EBF2: variants seen among roughly 807,000 people sequenced by gnomAD.
The protein encoded by EBF2 is EBF transcription factor 2.
A neutral mutation model predicts 72.8 loss-of-function variants in EBF2; 21 were observed. That is an observed-to-expected ratio of 0.29 (90% CI 0.20 to 0.42). The LOEUF is 0.42. Among genes scored for constraint, EBF2 ranks in the 10% least tolerant of loss-of-function variants. EBF2 has a pLI of 1.00. For missense variants in EBF2, 637 were observed against 731.2 expected (o/e 0.87, Z 1.49); for synonymous variants, 299 against 274.2 (o/e 1.09, Z -0.89).
intron 9 of EBF2, 32 bp downstream of exon 9, chr8:25,887,810 G>A (rs1802716691): frequency 1.3e-6 from 2 of 1,515,294 alleles, no homozygotes; most frequent in Non-Finnish European, 1.8e-6. Flanking sequence ...TGGGCAAAAG[G>A]AAATCAGAGT....
intron 6 of EBF2, among the ~76,000 whole-genome samples, chr8:26,023,728 C>T (rs1012491020): frequency 2.6e-5 from 4 of 152,090 alleles, no homozygotes; most frequent in South Asian, 2.1e-4. Context: ...AAAGAAGACA[C>T]GTACTCATGG....
chr8:25,972,621 C>A (rs888799402), intron 6 of EBF2, among the ~76,000 whole-genome samples: 17 of 152,004 alleles, frequency 1.1e-4, no homozygotes, highest in African/African-American at 4.1e-4. Context: ...TTTTACAGAC[C>A]AACAAAAGGG....
chr8:25,980,142 C>CA (rs1481802684), intron 6 of EBF2, among the ~76,000 whole-genome samples: 6 of 152,218 alleles, frequency 3.9e-5, no homozygotes, highest in Admixed American at 3.9e-4. Context: ...CTCAGACCAC[C>CA]AAAAAACGGA....
intron 10 of EBF2, among the ~76,000 whole-genome samples, chr8:25,880,066 G>A (rs756932827): frequency 9.2e-5 from 14 of 152,080 alleles, no homozygotes; most frequent in Non-Finnish European, 1.8e-4. Context: ...CAATTTCTAA[G>A]ATACCTAACG....
intron 7 of EBF2, among the ~76,000 whole-genome samples, chr8:25,892,741 A>T (rs73553930): frequency 6.6e-6 from 1 of 152,358 alleles, no homozygotes; most frequent in African/African-American, 2.4e-5. Context: ...AGTGTCAGTC[A>T]TCCAACCCAA....
intron 6 of EBF2, among the ~76,000 whole-genome samples, chr8:26,027,217 C>T (rs1435845527): frequency 6.6e-6 from 1 of 152,180 alleles, no homozygotes; most frequent in Non-Finnish European, 1.5e-5. Context: ...ACAAATCGCA[C>T]TTCACTGGAG....
At chr8:25,894,945 T>C (rs984450305) in intron 7 of EBF2, among the ~76,000 whole-genome samples, 2 of 152,206 alleles carry the variant, frequency 1.3e-5, no homozygotes, top group African/African-American at 4.8e-5. Context: ...GGAACTTCTA[T>C]GCCTCATCGT....
intron 6 of EBF2, among the ~76,000 whole-genome samples, chr8:25,970,485 C>T (rs965417094): frequency 6.6e-6 from 1 of 152,104 alleles, no homozygotes; most frequent in South Asian, 2.1e-4. Context: ...AGACCCACAA[C>T]AAACCAGATG....
chr8:25,867,349 T>G (rs1356604293), intron 10 of EBF2, among the ~76,000 whole-genome samples: 2 of 152,234 alleles, frequency 1.3e-5, no homozygotes, highest in African/African-American at 4.8e-5. Flanking sequence ...TAGTTAACAT[T>G]GCTCACACTA....
chr8:25,916,347 CT>C (rs1803216075), intron 6 of EBF2, among the ~76,000 whole-genome samples: 1 of 150,796 alleles, frequency 6.6e-6, no homozygotes, highest in Non-Finnish European at 1.5e-5. Flanking sequence ...CAAAAAAACA[CT>C]TTTCAAGGCC....
chr8:26,036,685 CCAAA>C (rs74273823), intron 5 of EBF2, among the ~76,000 whole-genome samples: 19,218 of 152,042 alleles, frequency 0.13, 1,286 homozygotes, highest in Middle Eastern at 0.15. Flanking sequence ...CCTACACTCC[CCAAA>C]CAGTGTGGAA....
chr8:25,898,306 G>T (rs1802890620), intron 7 of EBF2, among the ~76,000 whole-genome samples: 1 of 152,060 alleles, frequency 6.6e-6, no homozygotes, highest in Non-Finnish European at 1.5e-5. Context: ...TGATTATTCT[G>T]GCACCTAAGA....
Position 25,842,624 on chromosome 8 carries a change from G to C in EBF2, c.*1985C>G, listed in dbSNP as rs774444498. The C allele has an allele frequency of 6.6e-5, 10 of 152,010 alleles. No homozygotes were observed. The highest frequency in any genetic ancestry group is 1.0e-4 in the Non-Finnish European group (7 of 68,006). 9.4% of individuals were successfully genotyped at this position (152,010 alleles called of 1,614,324 possible). On this transcript the variant is annotated 3_prime_UTR_variant, in exon 16 of 16. Transcript: ENST00000520164. The stretch of plus-strand genomic sequence containing the variant: ...TTCTCTTATGTTTCCGTGTATTTTG[G>C]CGCTTTAAGCCCTGACTATGAGGGA...
intron 10 of EBF2, among the ~76,000 whole-genome samples, chr8:25,870,748 A>C (rs962295972): frequency 6.6e-6 from 1 of 151,968 alleles, no homozygotes; most frequent in Non-Finnish European, 1.5e-5. Flanking sequence ...TCTTTACTAC[A>C]CTGGGCTGGC....
At chr8:25,891,930 T>G (rs1213414201) in intron 7 of EBF2, among the ~76,000 whole-genome samples, 1 of 152,152 alleles carries the variant, frequency 6.6e-6, no homozygotes, top group Non-Finnish European at 1.5e-5. Context: ...AAACCTTTTA[T>G]TATGAATAAT....
At chr8:26,015,857 G>A (rs952669155) in intron 6 of EBF2, among the ~76,000 whole-genome samples, 4 of 152,164 alleles carry the variant, frequency 2.6e-5, no homozygotes, top group African/African-American at 9.7e-5. Flanking sequence ...GCAGCTTTAA[G>A]CAGATAGCAG....
chr8:25,900,715 C>T (rs530568094), intron 7 of EBF2, among the ~76,000 whole-genome samples: 10 of 151,812 alleles, frequency 6.6e-5, no homozygotes, highest in East Asian at 1.9e-4. Flanking sequence ...AGTAAGCTGT[C>T]GATTAGAGTG....
intron 14 of EBF2, among the ~76,000 whole-genome samples, chr8:25,857,024 AACACTT>A (rs1802108461): frequency 3.3e-5 from 5 of 152,076 alleles, no homozygotes; most frequent in Non-Finnish European, 7.4e-5. Flanking sequence ...AATTCCCCCA[AACACTT>A]TTTGGAACAA....
chr8:25,848,824 T>TAAGA (rs1295713632), intron 15 of EBF2, among the ~76,000 whole-genome samples: 1 of 152,174 alleles, frequency 6.6e-6, no homozygotes, highest in Non-Finnish European at 1.5e-5. Context: ...ATTTTGCCAG[T>TAAGA]AAGACTTGCT....
Sources: allele counts gnomAD v4.1 joint callset (sites outside exome capture counted in the v4.1 genomes callset), GRCh38; gene constraint gnomAD v4.1.1; transcripts MANE v1.5; gene names NCBI Gene and HGNC (gene_info 2026-07-23, HGNC 2026-07-21).